Variants in SPATS2 observed in about 807,000 individuals in gnomAD.
The protein encoded by SPATS2 is spermatogenesis associated serine rich 2.
SPATS2 carries 38 observed loss-of-function variants against 63.7 expected under a neutral mutation model. The ratio of observed to expected loss-of-function variants is 0.60; its 90% CI spans 0.46 to 0.78. The LOEUF is 0.78. Among genes scored for constraint, SPATS2 ranks in the 30% least tolerant of loss-of-function variants. The pLI, the probability that SPATS2 is intolerant of heterozygous loss-of-function variation, is 0.00. For synonymous variants in SPATS2, 207 were observed against 232.9 expected, an observed-to-expected ratio of 0.89 and a Z score of 1.01; for missense variants, 588 against 666.2, an observed-to-expected ratio of 0.88 and a Z score of 1.29.
chr12:49,514,628 C>CT lies in SPATS2; in HGVS notation c.898+18dup. On this transcript the variant is annotated intron_variant, in intron 10 of 13. Transcript: ENST00000552918. ...AGCTGAAGCAAGTAAGATGATTGAT[C>CT]TTTAATTAAAGCTATTACCTTCATA... 6.2e-7 allele frequency: 1 copy of CT among 1,611,608 alleles called. No individual in the cohort carries two copies. The highest frequency in any genetic ancestry group is 8.5e-7 in the Non-Finnish European group (1 of 1,178,684).
chr12:49,385,747 AT>A (rs1181181393), intron 2 of SPATS2, among the ~76,000 whole-genome samples: 3 of 152,010 alleles, frequency 2.0e-5, no homozygotes, highest in Admixed American at 6.6e-5. Context: ...GAATGGGAGA[AT>A]GGCTGCAGCA....
At chr12:49,501,592 G>A (rs1402559602) in intron 9 of SPATS2, among the ~76,000 whole-genome samples, 1 of 152,052 alleles carries the variant, frequency 6.6e-6, no homozygotes, top group African/African-American at 2.4e-5. Flanking sequence ...AGATATTAAG[G>A]TGTTAACGGA....
At chr12:49,456,210 A>G (rs1295992090) in intron 2 of SPATS2, among the ~76,000 whole-genome samples, 1 of 152,228 alleles carries the variant, frequency 6.6e-6, no homozygotes, top group Non-Finnish European at 1.5e-5. Flanking sequence ...GAGCAGCCAT[A>G]GACTGCCACT....
At chr12:49,382,936 C>G (rs1476547881) in intron 2 of SPATS2, among the ~76,000 whole-genome samples, 2 of 151,868 alleles carry the variant, frequency 1.3e-5, no homozygotes, top group Admixed American at 1.3e-4. Flanking sequence ...AACTCCTGAC[C>G]TCAGGTTATC....
chr12:49,514,379 T>C, intron 9 of SPATS2, 176 bp from the exon 10 acceptor site: 2 of 564,946 alleles, frequency 3.5e-6, no homozygotes, highest in Non-Finnish European at 6.1e-6. Context: ...GGGAAAATCT[T>C]AAAATATTCT....
intron 3 of SPATS2, among the ~76,000 whole-genome samples, chr12:49,478,964 T>C (rs938882830): frequency 2.0e-5 from 3 of 152,166 alleles, no homozygotes; most frequent in Admixed American, 1.3e-4. Flanking sequence ...TGTAGGCAGG[T>C]CGTCTCCTAC....
At chr12:49,410,107 G>A (rs1028979198) in intron 2 of SPATS2, among the ~76,000 whole-genome samples, 7 of 150,508 alleles carry the variant, frequency 4.7e-5, no homozygotes, top group Non-Finnish European at 8.9e-5. Flanking sequence ...ATGGAGTCTC[G>A]CTCTGTCGCC....
At chr12:49,469,254 G>T (rs1386163425) in intron 3 of SPATS2, among the ~76,000 whole-genome samples, 1 of 151,616 alleles carries the variant, frequency 6.6e-6, no homozygotes, top group Non-Finnish European at 1.5e-5. Context: ...GCTGGGCGTG[G>T]TGGCAGGCGC....
At position 49,483,949 on chromosome 12, in the gene SPATS2, T is replaced by A. The variant is rs374241183; in HGVS notation, c.26-641T>A. 4.7e-4 allele frequency among the ~76,000 whole-genome samples: 72 copies of A among 152,370 alleles called. No individual in the cohort carries two copies. In the South Asian group the frequency reaches 0.012, roughly 26 times the overall value. On this transcript the variant is annotated intron_variant, in intron 3 of 13. Transcript: ENST00000552918. ...AAGCTATTGAGTGTTAAAGCTGAAG[T>A]AATTTATTGATCACATAGGGGTAAA... is the stretch of plus-strand genomic sequence containing the variant.
Position 49,524,749 on chromosome 12 carries a change from T to C in SPATS2, c.1179T>C (p.Ser393=). 1 of 1,614,156 alleles carries C rather than the reference T, an allele frequency of 6.2e-7. No individual in the cohort carries two copies. The highest frequency in any genetic ancestry group is 2.2e-5 in the East Asian group (1 of 44,890). ...GCTCAGTTACATCTGTGTCCTTGAGTAGCCCAAGTGATGCCTCTGCTGCTT... is the reference window on the plus strand; with the variant it reads ...GCTCAGTTACATCTGTGTCCTTGAGCAGCCCAAGTGATGCCTCTGCTGCTT... ...RCSSVTSVSL[S]SPSDASAASS... Residue 393 remains serine, a synonymous_variant, in exon 13 of 14, where the codon AGT becomes AGC. Coordinates refer to ENST00000552918, the MANE Select transcript of SPATS2 (RefSeq NM_023071.4).
rs4590957 is a variant in SPATS2, at chr12:49,460,887, C to G, written c.-126C>G. The G allele has an allele frequency of 1.1e-6, 1 of 945,836 alleles. No homozygotes were observed. Among genetic ancestry groups the G allele is most frequent in the Non-Finnish European group, 1.6e-6 (1 of 616,480 alleles). 58.6% of individuals were successfully genotyped at this position (945,836 alleles called of 1,614,324 possible). On this transcript the variant is annotated 5_prime_UTR_variant, in exon 3 of 14. Coordinates refer to ENST00000552918, the MANE Select transcript of SPATS2 (RefSeq NM_023071.4). The stretch of plus-strand genomic sequence containing the variant: ...AGCAGAATTTCGAACAGCAGGATTT[C>G]GTATTTTTTGCTTCCAACTGCACAC...
intron 3 of SPATS2, among the ~76,000 whole-genome samples, chr12:49,468,206 C>CTGGA (rs1273290444): frequency 7.2e-6 from 1 of 138,418 alleles, no homozygotes; most frequent in African/African-American, 2.7e-5. Flanking sequence ...TGTTGCCAGG[C>CTGGA]TGGAGTGCAG....
chr12:49,467,235 T>C (rs1945937936), intron 3 of SPATS2, among the ~76,000 whole-genome samples: 1 of 145,332 alleles, frequency 6.9e-6, no homozygotes, highest in African/African-American at 2.6e-5. Flanking sequence ...TTTTTTTTTT[T>C]GTATTTTTAG....
intron 10 of SPATS2, among the ~76,000 whole-genome samples, chr12:49,515,545 A>G (rs572579426): frequency 2.0e-5 from 3 of 152,320 alleles, no homozygotes; most frequent in Admixed American, 6.5e-5. Flanking sequence ...AAATTTGAGA[A>G]TGTAGCAGAG....
chr12:49,379,804 G>A (rs977753179), intron 2 of SPATS2, among the ~76,000 whole-genome samples: 32 of 151,742 alleles, frequency 2.1e-4, no homozygotes, highest in African/African-American at 7.7e-4. Flanking sequence ...TGTATTTTTA[G>A]TAGAGATGGG....
chr12:49,498,145 A>AATATATATATATATATATATAT (rs1555191172), intron 8 of SPATS2, among the ~76,000 whole-genome samples: 12 of 98,954 alleles, frequency 1.2e-4, no homozygotes, highest in African/African-American at 3.4e-4. Flanking sequence ...AAAAAAAAAA[A>AATATATATATATATATATATAT]ATATATATAT....
chr12:49,372,940 T>TTGTGTGTGTGTGTGTGTGTG (rs56940721), intron 2 of SPATS2, among the ~76,000 whole-genome samples: 1 of 130,050 alleles, frequency 7.7e-6, no homozygotes, highest in Non-Finnish European at 1.6e-5. Flanking sequence ...ATTTTCTGTT[T>TTGTGTGTGTGTGTGTGTGTG]TGTGTGTGTG....
chr12:49,449,752 T>C (rs370038165), intron 2 of SPATS2, among the ~76,000 whole-genome samples: 4 of 152,302 alleles, frequency 2.6e-5, no homozygotes, highest in South Asian at 2.1e-4. Context: ...TTGAGACTTA[T>C]TCACTACCGT....
intron 2 of SPATS2, among the ~76,000 whole-genome samples, chr12:49,423,950 C>T (rs1319092378): frequency 6.6e-6 from 1 of 152,196 alleles, no homozygotes; most frequent in African/African-American, 2.4e-5. Context: ...CTCCTGTAAT[C>T]TCAGCACTTT....
Sources: gnomAD v4.1 joint callset for allele counts (sites outside exome capture counted in the v4.1 genomes callset) on GRCh38, gnomAD v4.1.1 for gene constraint, MANE v1.5 for transcripts, NCBI Gene and HGNC (gene_info 2026-07-23, HGNC 2026-07-21) for gene names.